Variants in LONRF3 observed in about 807,000 individuals in gnomAD.
LONRF3 encodes the protein LON peptidase N-terminal domain and ring finger 3, also known as LON peptidase N-terminal domain and RING finger protein 3.
In LONRF3, 19 loss-of-function variants were observed where a neutral mutation model predicts 51.7. The observed-to-expected ratio is 0.37, with a 90% CI of 0.26 to 0.54. The LOEUF (loss-of-function observed/expected upper bound fraction) is 0.54. LONRF3 is among the 20% of genes least tolerant of loss of function. The pLI is 0.86. For missense variants in LONRF3, 521 were observed against 623.9 expected, an observed-to-expected ratio of 0.84 and a Z score of 1.76; for synonymous variants, 265 against 257.8, an observed-to-expected ratio of 1.03 and a Z score of -0.27.
At chrX:118,987,003 C>T in intron 3 of LONRF3, 1 of 1,150,781 alleles carries the variant, frequency 8.7e-7, no homozygotes, top group Non-Finnish European at 1.2e-6. Context: ...GCTGTTGGCA[C>T]CTCACCCTAG....
intron 5 of LONRF3, among the ~76,000 whole-genome samples, chrX:118,999,047 C>T (rs895557191): frequency 6.2e-5 from 7 of 112,718 alleles, no homozygotes; most frequent in African/African-American, 2.3e-4. Flanking sequence ...AGCACATATG[C>T]TTCTCATATC....
At chrX:118,975,673 C>A (rs897208130) in intron 1 of LONRF3, 76 bp downstream of exon 1, 2 of 785,635 alleles carry the variant, frequency 2.5e-6, no homozygotes, top group Admixed American at 5.7e-5. Flanking sequence ...AACCCCGCAG[C>A]GAGAAGGGAT....
At chrX:119,009,327 C>T (rs1162351719) in intron 7 of LONRF3, 80 bp downstream of exon 7, 1 of 983,632 alleles carries the variant, frequency 1.0e-6, no homozygotes, top group Admixed American at 2.7e-5. Context: ...TTCCCAGCTT[C>T]CGACTTAGTG....
At chrX:118,979,300 C>CTTTTTTTTTTTTT (rs781007753) in intron 2 of LONRF3, among the ~76,000 whole-genome samples, 9 of 97,352 alleles carry the variant, frequency 9.2e-5, no homozygotes, top group East Asian at 3.5e-4. Context: ...ACCGCGCTGG[C>CTTTTTTTTTTTTT]TTTTTTTTTT....
Position 118,975,491 on chromosome X carries a change from T to C in LONRF3, c.711T>C (p.Phe237=), listed in dbSNP as rs775599901. ...VVLSGLLGKL[F]PGPARASQLR... is the part of the protein sequence containing the mutation. ...TCAGCGGCCTCCTCGGCAAGTTGTT[T>C]CCAGGCCCAGCGCGAGCGTCGCAAC... The change falls in exon 1 of 11, where the codon TTT becomes TTC. Residue 237 remains phenylalanine (F), a synonymous_variant. Coordinates refer to ENST00000371628, the MANE Select transcript of LONRF3 (RefSeq NM_001031855.3). 21 of 1,201,897 alleles carry C rather than the reference T, an allele frequency of 1.7e-5. No homozygotes were observed. The South Asian group carries it at 3.6e-4, about 21-fold the overall frequency.
At chrX:118,979,415 T>G (rs899649994) in intron 2 of LONRF3, among the ~76,000 whole-genome samples, 1 of 110,241 alleles carries the variant, frequency 9.1e-6, no homozygotes, top group Non-Finnish European at 1.9e-5. Context: ...CACCTTAGCC[T>G]CCCGAGTAGC....
intron 5 of LONRF3, among the ~76,000 whole-genome samples, chrX:118,997,666 G>A (rs1007969928): frequency 8.9e-6 from 1 of 112,315 alleles, no homozygotes; most frequent in Non-Finnish European, 1.9e-5. Context: ...ATGGCAAAAG[G>A]AACAGTCAGC....
intron 5 of LONRF3, among the ~76,000 whole-genome samples, chrX:119,004,802 T>C (rs965210591): frequency 1.8e-5 from 2 of 112,626 alleles, no homozygotes; most frequent in Non-Finnish European, 3.7e-5. Flanking sequence ...GTCTGTTCCA[T>C]TTATTTTATG....
intron 6 of LONRF3, among the ~76,000 whole-genome samples, chrX:119,007,186 G>A (rs1457100399): frequency 1.8e-5 from 2 of 112,571 alleles, no homozygotes; most frequent in Non-Finnish European, 3.8e-5. Flanking sequence ...TAATGTCATC[G>A]TGGCACCTGA....
intron 3 of LONRF3, 90 bp downstream of exon 3, chrX:118,983,033 TG>T: frequency 9.6e-7 from 1 of 1,044,995 alleles, no homozygotes; most frequent in Non-Finnish European, 1.3e-6. Context: ...CTGTCCTCCT[TG>T]GCATTTGGGG....
intron 2 of LONRF3, among the ~76,000 whole-genome samples, chrX:118,978,732 C>T (rs1434141281): frequency 3.6e-5 from 4 of 111,463 alleles, no homozygotes; most frequent in Middle Eastern, 4.7e-3. Flanking sequence ...AGCCAGACTG[C>T]CTGGGTTTAT....
intron 10 of LONRF3, among the ~76,000 whole-genome samples, chrX:119,016,350 C>CTTTTT (rs10640705): frequency 9.0e-5 from 8 of 88,489 alleles, no homozygotes; most frequent in African/African-American, 2.2e-4. Context: ...TTCTTTCTTT[C>CTTTTT]TTTTTTTTTT....
chrX:119,001,500 A>G (rs1168192736), intron 5 of LONRF3, among the ~76,000 whole-genome samples: 1 of 112,433 alleles, frequency 8.9e-6, no homozygotes, highest in East Asian at 2.8e-4. Context: ...TAATATACAA[A>G]GTTAAGTATT....
intron 6 of LONRF3, among the ~76,000 whole-genome samples, chrX:119,007,256 A>G (rs182974088): frequency 8.9e-6 from 1 of 112,009 alleles, no homozygotes; most frequent in East Asian, 2.8e-4. Flanking sequence ...GTAAGCCCTG[A>G]TGTTCCCTTA....
At chrX:118,990,349 T>A in intron 4 of LONRF3, 121 bp from the exon 5 acceptor site, 2 of 536,336 alleles carry the variant, frequency 3.7e-6, no homozygotes, top group Non-Finnish European at 6.4e-6. Flanking sequence ...CTAAATCAAC[T>A]CTCTGGGAGG....
At chrX:118,978,677 T>C (rs751992128) in intron 2 of LONRF3, among the ~76,000 whole-genome samples, 20 of 111,569 alleles carry the variant, frequency 1.8e-4, no homozygotes, top group African/African-American at 6.5e-4. Context: ...CTCATGACCT[T>C]CAGAGCAGCC....
chrX:118,996,595 C>A (rs1043551658), intron 5 of LONRF3, among the ~76,000 whole-genome samples: 1 of 111,383 alleles, frequency 9.0e-6, no homozygotes, highest in Non-Finnish European at 1.9e-5. Flanking sequence ...AGGAATATAT[C>A]TAACCAAGGA....
In LONRF3 at chrX:118,975,525, G is replaced by T; in HGVS notation, c.745G>T (p.Glu249Ter). 1.7e-6 allele frequency: 2 copies of T among 1,204,242 alleles called. No individual in the cohort carries two copies. Among genetic ancestry groups the T allele is most frequent in the Non-Finnish European group, 2.2e-6 (2 of 892,914 alleles). Residue 249 changes from glutamate to a stop codon, truncating the protein, a stop_gained, in exon 1 of 11, where the codon GAG becomes TAG. Coordinates refer to ENST00000371628, the MANE Select transcript of LONRF3 (RefSeq NM_001031855.3). LOFTEE classifies it high-confidence loss of function. ...GPARASQLRH[E>*]GNRLYRERQV... ...AGCGCGAGCGTCGCAACTCCGGCAC[G>T]AGGGCAACCGACTGTACCGCGAGCG... is the stretch of plus-strand genomic sequence containing the variant.
chrX:118,982,633 G>GT (rs777966027), intron 2 of LONRF3, among the ~76,000 whole-genome samples, 188 bp from the exon 3 acceptor site: 59 of 112,096 alleles, frequency 5.3e-4, no homozygotes, highest in Non-Finnish European at 7.1e-4. Context: ...GCAAGTTAAC[G>GT]TTTTTGGGTT....
Sources: gnomAD v4.1 joint callset for allele counts (sites outside exome capture counted in the v4.1 genomes callset) on GRCh38, gnomAD v4.1.1 for gene constraint, MANE v1.5 for transcripts, NCBI Gene and HGNC (gene_info 2026-07-23, HGNC 2026-07-21) for gene names.